GALNTL6: variants seen among roughly 807,000 people sequenced by gnomAD.
GALNTL6 encodes the protein polypeptide N-acetylgalactosaminyltransferase-like 6.
Under a neutral mutation model 73.7 loss-of-function variants are expected in GALNTL6, and 46 were observed. The observed-to-expected ratio is 0.62, with a 90% CI of 0.49 to 0.80. The LOEUF is 0.80. Among genes scored for constraint, GALNTL6 ranks in the 30% least tolerant of loss-of-function variants. GALNTL6 has a pLI of 0.00. For missense variants in GALNTL6, 604 were observed against 755.0 expected (o/e 0.80, Z 2.34); for synonymous variants, 259 against 263.7 (o/e 0.98, Z 0.17).
At chr4:172,995,794 A>G (rs1011452254) in intron 10 of GALNTL6, among the ~76,000 whole-genome samples, 5 of 152,208 alleles carry the variant, frequency 3.3e-5, no homozygotes, top group African/African-American at 1.2e-4. Context: ...CTGACATGCC[A>G]TGCTCTTTTG....
chr4:173,019,288 G>A (rs142274154), intron 11 of GALNTL6, among the ~76,000 whole-genome samples: 81 of 152,314 alleles, frequency 5.3e-4, no homozygotes, highest in Middle Eastern at 3.4e-3. Flanking sequence ...ATTCTGCAAG[G>A]AACTGGACAT....
intron 7 of GALNTL6, among the ~76,000 whole-genome samples, chr4:172,830,956 T>C (rs1010740924): frequency 2.0e-5 from 3 of 151,966 alleles, no homozygotes; most frequent in African/African-American, 7.3e-5. Context: ...GGTCATGAGC[T>C]TGAGACCAGC....
intron 4 of GALNTL6, among the ~76,000 whole-genome samples, chr4:172,340,981 C>T (rs180733769): frequency 6.6e-6 from 1 of 152,246 alleles, no homozygotes; most frequent in African/African-American, 2.4e-5. Context: ...ACTCTAGCCA[C>T]CTTGGTCGCC....
intron 5 of GALNTL6, among the ~76,000 whole-genome samples, chr4:172,712,745 C>A (rs1470814267): frequency 6.6e-6 from 1 of 152,156 alleles, no homozygotes; most frequent in Non-Finnish European, 1.5e-5. Context: ...GCTTGTACAA[C>A]AAGGCCTGGA....
chr4:172,426,916 TTATATA>T (rs35184907), intron 5 of GALNTL6, among the ~76,000 whole-genome samples: 12 of 149,212 alleles, frequency 8.0e-5, no homozygotes, highest in Non-Finnish European at 7.4e-5. Context: ...GTAAGGACTC[TTATATA>T]TATATATATA....
chr4:171,884,768 T>C (rs116500444), intron 2 of GALNTL6, among the ~76,000 whole-genome samples: 2,182 of 152,020 alleles, frequency 0.014, 48 homozygotes, highest in African/African-American at 0.05. Flanking sequence ...AAGAATGTGT[T>C]GTTTAGGCTG....
At chr4:172,237,539 G>A (rs1310106522) in intron 3 of GALNTL6, among the ~76,000 whole-genome samples, 1 of 152,040 alleles carries the variant, frequency 6.6e-6, no homozygotes, top group Non-Finnish European at 1.5e-5. Context: ...CGCATGTGTT[G>A]TCCATTTACT....
intron 2 of GALNTL6, among the ~76,000 whole-genome samples, chr4:171,990,496 G>C (rs1323207472): frequency 6.6e-6 from 1 of 152,008 alleles, no homozygotes; most frequent in Admixed American, 6.6e-5. Context: ...CTGCTACTTT[G>C]TATTATTCTG....
At chr4:172,996,192 T>C (rs1039092255) in intron 10 of GALNTL6, among the ~76,000 whole-genome samples, 10 of 148,746 alleles carry the variant, frequency 6.7e-5, no homozygotes, top group African/African-American at 2.5e-4. Context: ...ACACACACCA[T>C]GGAATACTAT....
intron 2 of GALNTL6, among the ~76,000 whole-genome samples, chr4:171,872,574 A>G (rs1323882069): frequency 6.6e-6 from 1 of 152,190 alleles, no homozygotes; most frequent in Non-Finnish European, 1.5e-5. Context: ...TCTGAAGGCC[A>G]CAAGTCTGAA....
Position 172,880,838 on chromosome 4 carries a change from A to G in GALNTL6, c.924-1952A>G, listed in dbSNP as rs536159711. ...GATCCATTTGAATTTATGTTATTATATGTCTAAAATAACCTAAGATACACT... is the reference window on the plus strand; with the variant it reads ...GATCCATTTGAATTTATGTTATTATGTGTCTAAAATAACCTAAGATACACT... On this transcript the variant is annotated intron_variant, in intron 7 of 12. Coordinates refer to ENST00000506823, the MANE Select transcript of GALNTL6 (RefSeq NM_001034845.3). 3.3e-5 allele frequency among the ~76,000 whole-genome samples: 5 copies of G among 152,290 alleles called. No homozygotes were observed. In the South Asian group the frequency reaches 1.0e-3, roughly 32 times the overall value.
chr4:172,596,448 A>G (rs1284001352), intron 5 of GALNTL6, among the ~76,000 whole-genome samples: 1 of 117,606 alleles, frequency 8.5e-6, no homozygotes, highest in East Asian at 3.3e-4. Context: ...TTGTCTCTCA[A>G]AAAAAAAAAA....
chr4:172,296,177 T>A (rs1036117749), intron 3 of GALNTL6, among the ~76,000 whole-genome samples: 11 of 152,158 alleles, frequency 7.2e-5, no homozygotes, highest in Admixed American at 5.9e-4. Context: ...AAATTTTCAT[T>A]AAGAATGTGT....
intron 2 of GALNTL6, among the ~76,000 whole-genome samples, chr4:171,895,533 G>A (rs1356108619): frequency 6.6e-6 from 1 of 152,144 alleles, no homozygotes; most frequent in African/African-American, 2.4e-5. Flanking sequence ...GGTGAGGACC[G>A]AGTTGCTGTC....
chr4:172,656,608 A>G (rs1361760068), intron 5 of GALNTL6, among the ~76,000 whole-genome samples: 1 of 152,168 alleles, frequency 6.6e-6, no homozygotes, highest in East Asian at 1.9e-4. Flanking sequence ...TGTTTCTCAA[A>G]GGAACACACA....
rs571973761 is a variant in GALNTL6, at chr4:172,542,255, C to G, written c.553+193566C>G. On this transcript the variant is annotated intron_variant, in intron 5 of 12. Coordinates refer to ENST00000506823, the MANE Select transcript of GALNTL6 (RefSeq NM_001034845.3). ...TCAGGTATGACGTTTACATAGCGCC[C>G]GGGGAAGGCTGGTCGCCCCATTCTA... is the stretch of plus-strand genomic sequence containing the variant. 2.2e-3 allele frequency among the ~76,000 whole-genome samples: 327 copies of G among 152,034 alleles called. 2 individuals are homozygous for G. The highest frequency in any genetic ancestry group is 7.4e-3 in the African/African-American group (309 of 41,494).
chr4:172,423,775 A>G (rs1454829279), intron 5 of GALNTL6, among the ~76,000 whole-genome samples: 5 of 152,100 alleles, frequency 3.3e-5, no homozygotes, highest in African/African-American at 1.2e-4. Flanking sequence ...AGAACCATGC[A>G]TAGTACATAG....
intron 5 of GALNTL6, among the ~76,000 whole-genome samples, chr4:172,373,447 T>A (rs1742900672): frequency 6.6e-6 from 1 of 152,214 alleles, no homozygotes; most frequent in Non-Finnish European, 1.5e-5. Context: ...AGAATTGGGG[T>A]GTTGCAGGGA....
At chr4:171,842,018 C>T (rs1439232476) in intron 2 of GALNTL6, among the ~76,000 whole-genome samples, 1 of 151,908 alleles carries the variant, frequency 6.6e-6, no homozygotes, top group Non-Finnish European at 1.5e-5. Context: ...ATGCAAACAT[C>T]ACTGGCCTAT....
Sources: allele counts gnomAD v4.1 joint callset (sites outside exome capture counted in the v4.1 genomes callset), GRCh38; gene constraint gnomAD v4.1.1; transcripts MANE v1.5; gene names NCBI Gene and HGNC (gene_info 2026-07-23, HGNC 2026-07-21).